The following ARHGAP15 variants were observed in gnomAD, a reference collection of about 807,000 sequenced individuals.
ARHGAP15 encodes Rho GTPase activating protein 15, also known as rho GTPase-activating protein 15.
In ARHGAP15, 51 loss-of-function variants were observed where a neutral mutation model predicts 63.7. That is an observed-to-expected ratio of 0.80 (90% CI 0.64 to 1.01). ARHGAP15 has a LOEUF of 1.01. Among genes scored for constraint, ARHGAP15 ranks in the 50% least tolerant of loss-of-function variants. ARHGAP15 has a pLI of 0.00. For missense variants in ARHGAP15, 560 were observed against 564.6 expected (o/e 0.99, Z 0.08); for synonymous variants, 191 against 193.8 (o/e 0.99, Z 0.12).
At chr2:143,148,266 T>G (rs1284615726) in intron 1 of ARHGAP15, among the ~76,000 whole-genome samples, 1 of 152,004 alleles carries the variant, frequency 6.6e-6, no homozygotes, top group Non-Finnish European at 1.5e-5. Context: ...AGTCCCATTC[T>G]CCACTGCACT....
rs762957368 is a variant in ARHGAP15, at chr2:143,519,399, A to C, written c.925+35A>C. 2.6e-6 allele frequency: 4 copies of C among 1,524,196 alleles called. No homozygotes were observed. The South Asian group carries it at 3.4e-5, about 13-fold the overall frequency. 94.4% of individuals were successfully genotyped at this position (1,524,196 alleles called of 1,614,324 possible). A position where few individuals can be genotyped will look rare whatever the true frequency, so the allele number is the denominator to read the frequency against. On this transcript the variant is annotated intron_variant, in intron 10 of 13. Transcript: ENST00000295095. ...TGAATGTGCAGCAGTTCCCCCCATT[A>C]CTGCACCCTCTACACAACCAATACT...
chr2:143,296,053 A>G (rs938019546), intron 6 of ARHGAP15, among the ~76,000 whole-genome samples: 1 of 152,108 alleles, frequency 6.6e-6, no homozygotes, highest in South Asian at 2.1e-4. Context: ...GTCTAACTAC[A>G]TTTAGAGTAA....
intron 6 of ARHGAP15, among the ~76,000 whole-genome samples, chr2:143,358,697 C>T (rs1339148222): frequency 8.6e-5 from 13 of 151,400 alleles, no homozygotes; most frequent in Non-Finnish European, 1.6e-4. Flanking sequence ...CATATCTATA[C>T]TAACAGATTC....
At chr2:143,628,269 T>C (rs1268784277) in intron 12 of ARHGAP15, among the ~76,000 whole-genome samples, 1 of 152,194 alleles carries the variant, frequency 6.6e-6, no homozygotes, top group Admixed American at 6.5e-5. Flanking sequence ...CTATCGTGAA[T>C]AGTGTTGCGA....
rs768137681 is a variant in ARHGAP15 at position 143,487,434 on chromosome 2, A to G, written c.765A>G (p.Leu255=). ...TSDKNRVKSR[L]KKFITRRPSL... The stretch of plus-strand genomic sequence containing the variant: ...ACAAAAATCGAGTTAAAAGCAGATT[A>G]AAGAAGTTTATTACCCGAAGACCTT... The change falls in exon 9 of 14, where the codon TTA becomes TTG. Residue 255 remains leucine, a synonymous_variant. Transcript: ENST00000295095. 1 of 1,613,962 alleles carries G rather than the reference A, an allele frequency of 6.2e-7. No homozygotes were observed.
chr2:143,622,350 G>C (rs914733862), intron 11 of ARHGAP15, among the ~76,000 whole-genome samples: 1 of 152,016 alleles, frequency 6.6e-6, no homozygotes, highest in Non-Finnish European at 1.5e-5. Flanking sequence ...GGGCACGCAG[G>C]GGGTGTGGCA....
At chr2:143,662,260 T>C (rs1404411428) in intron 12 of ARHGAP15, among the ~76,000 whole-genome samples, 10 of 151,532 alleles carry the variant, frequency 6.6e-5, no homozygotes, top group Non-Finnish European at 1.3e-4. Context: ...CCCTGACCCC[T>C]GACCCCCGAG....
intron 2 of ARHGAP15, among the ~76,000 whole-genome samples, chr2:143,159,095 A>G (rs1574026948): frequency 6.6e-6 from 1 of 151,930 alleles, no homozygotes; most frequent in Non-Finnish European, 1.5e-5. Context: ...TGTAAACGCC[A>G]CAGAACGGCA....
intron 6 of ARHGAP15, among the ~76,000 whole-genome samples, chr2:143,306,100 T>TG (rs1347507670): frequency 6.6e-6 from 1 of 152,120 alleles, no homozygotes; most frequent in East Asian, 1.9e-4. Context: ...TAAAATCTTT[T>TG]GGAACAATCT....
chr2:143,542,729 A>T, intron 10 of ARHGAP15, among the ~76,000 whole-genome samples: 1 of 103,656 alleles, frequency 9.6e-6, no homozygotes, highest in Admixed American at 1.1e-4. Flanking sequence ...ATAATATCAC[A>T]TATATAATAT....
intron 9 of ARHGAP15, among the ~76,000 whole-genome samples, chr2:143,504,975 C>A (rs1006028335): frequency 7.2e-5 from 11 of 152,316 alleles, no homozygotes; most frequent in African/African-American, 2.6e-4. Context: ...CATGGTGCAC[C>A]TGATTTTTTA....
In ARHGAP15 at chr2:143,282,144, A is replaced by G. The variant is rs992693881; in HGVS notation, c.474+31544A>G. Reference sequence around the variant, plus strand: ...GAATCATATTGTTTATGATATATGTAAAGTTTTATTTCCCCCTAAAAGTCT... The same window carrying G: ...GAATCATATTGTTTATGATATATGTGAAGTTTTATTTCCCCCTAAAAGTCT... On this transcript the variant is annotated intron_variant, in intron 6 of 13. Coordinates refer to ENST00000295095, the MANE Select transcript of ARHGAP15 (RefSeq NM_018460.4). Among the ~76,000 whole-genome samples the G allele has an allele frequency of 2.6e-5, 4 of 152,164 alleles. No homozygotes were observed. The East Asian group carries it at 7.7e-4, about 29-fold the overall frequency.
At chr2:143,490,875 G>A (rs1692555571) in intron 9 of ARHGAP15, among the ~76,000 whole-genome samples, 1 of 152,106 alleles carries the variant, frequency 6.6e-6, no homozygotes, top group Admixed American at 6.5e-5. Flanking sequence ...TGATCTGCCT[G>A]CCTTGGCCTC....
intron 6 of ARHGAP15, among the ~76,000 whole-genome samples, chr2:143,366,036 T>C (rs985785901): frequency 5.9e-5 from 9 of 152,182 alleles, no homozygotes; most frequent in Admixed American, 5.9e-4. Context: ...GAAAAGAAGT[T>C]TTATTACCAC....
At chr2:143,389,134 A>ATTT (rs869247380) in intron 6 of ARHGAP15, among the ~76,000 whole-genome samples, 18 of 138,574 alleles carry the variant, frequency 1.3e-4, no homozygotes, top group East Asian at 1.2e-3. Context: ...TATTATTATT[A>ATTT]TTTTTTATTA....
chr2:143,290,437 A>C (rs921946775), intron 6 of ARHGAP15, among the ~76,000 whole-genome samples: 1 of 152,126 alleles, frequency 6.6e-6, no homozygotes, highest in Non-Finnish European at 1.5e-5. Flanking sequence ...AAGAAAAAAA[A>C]AAAGGGCAGC....
intron 11 of ARHGAP15, among the ~76,000 whole-genome samples, chr2:143,583,191 G>A (rs186352601): frequency 6.6e-6 from 1 of 152,136 alleles, no homozygotes; most frequent in East Asian, 1.9e-4. Context: ...ATCCACATAG[G>A]AACATGTCAG....
At chr2:143,417,041 T>G (rs1349542226) in intron 6 of ARHGAP15, among the ~76,000 whole-genome samples, 1 of 152,092 alleles carries the variant, frequency 6.6e-6, no homozygotes, top group Admixed American at 6.6e-5. Context: ...CCTTTCCTTT[T>G]TTGCTTCTTA....
intron 1 of ARHGAP15, among the ~76,000 whole-genome samples, chr2:143,151,397 G>A (rs1689811145): frequency 1.3e-5 from 2 of 151,938 alleles, no homozygotes; most frequent in Admixed American, 6.6e-5. Flanking sequence ...ATTTATGTAA[G>A]GGCATAAATA....
Sources: gnomAD v4.1 joint callset for allele counts (sites outside exome capture counted in the v4.1 genomes callset) on GRCh38, gnomAD v4.1.1 for gene constraint, MANE v1.5 for transcripts, NCBI Gene and HGNC (gene_info 2026-07-23, HGNC 2026-07-21) for gene names.